The following NOL10 variants were observed in gnomAD, a reference collection of about 807,000 sequenced individuals.
NOL10 encodes the protein H_NH0074G24.1.
In NOL10, 58 loss-of-function variants were observed where a neutral mutation model predicts 103.5. That is an observed-to-expected ratio of 0.56 (90% CI 0.45 to 0.70). NOL10 has a LOEUF of 0.70. Among genes scored for constraint, NOL10 ranks in the 30% least tolerant of loss-of-function variants. The probability of loss-of-function intolerance (pLI) is 0.00; values close to 1 mark genes in which losing one functional copy is unlikely to be tolerated. For missense variants in NOL10, 763 were observed against 807.3 expected, an observed-to-expected ratio of 0.95 and a Z score of 0.67; for synonymous variants, 287 against 282.5, an observed-to-expected ratio of 1.02 and a Z score of -0.16.
At chr2:10,683,361 C>T (rs997166470) in intron 2 of NOL10, among the ~76,000 whole-genome samples, 6 of 152,178 alleles carry the variant, frequency 3.9e-5, no homozygotes, top group African/African-American at 7.2e-5. Context: ...CTGCAATCAC[C>T]TTTAACTGTT....
intron 13 of NOL10, among the ~76,000 whole-genome samples, chr2:10,640,228 C>T (rs1336465314): frequency 6.6e-6 from 1 of 152,226 alleles, no homozygotes; most frequent in Non-Finnish European, 1.5e-5. Flanking sequence ...TGCCAAACGT[C>T]AACTTGGTAC....
chr2:10,645,326 C>T (rs764123162), intron 12 of NOL10, among the ~76,000 whole-genome samples: 6 of 152,068 alleles, frequency 3.9e-5, no homozygotes, highest in Non-Finnish European at 5.9e-5. Flanking sequence ...AGAGAGAAGA[C>T]ATTTAGATTA....
intron 4 of NOL10, among the ~76,000 whole-genome samples, chr2:10,674,243 C>A (rs1031655000): frequency 6.6e-6 from 1 of 150,824 alleles, no homozygotes; most frequent in African/African-American, 2.4e-5. Flanking sequence ...AAAAAAAAAA[C>A]AACAAAGGGT....
chr2:10,634,297 G>C (rs1264092142), intron 13 of NOL10, among the ~76,000 whole-genome samples: 2 of 152,168 alleles, frequency 1.3e-5, no homozygotes, highest in Admixed American at 1.3e-4. Context: ...AACAAAATCT[G>C]CAAACAGCTG....
chr2:10,575,110 C>A (rs1389802743), intron 20 of NOL10, among the ~76,000 whole-genome samples: 1 of 152,232 alleles, frequency 6.6e-6, no homozygotes, highest in Non-Finnish European at 1.5e-5. Context: ...ACTCCTGTCA[C>A]AGAGGGAGGA....
chr2:10,626,604 G>C (rs375431690), intron 13 of NOL10, among the ~76,000 whole-genome samples: 7 of 152,030 alleles, frequency 4.6e-5, no homozygotes, highest in Admixed American at 3.9e-4. Context: ...TACACAACCA[G>C]GACACTGAAA....
intron 17 of NOL10, 78 bp from the exon 18 acceptor site, chr2:10,589,829 C>T: frequency 1.2e-6 from 1 of 849,488 alleles, no homozygotes; most frequent in East Asian, 2.9e-5. Flanking sequence ...TTTTAAAACA[C>T]TGATTCTATT....
At chr2:10,587,513 C>T (rs1482291405) in intron 19 of NOL10, among the ~76,000 whole-genome samples, 2 of 64,746 alleles carry the variant, frequency 3.1e-5, no homozygotes, top group African/African-American at 9.8e-5. Flanking sequence ...TCATGATCTG[C>T]CCCCCCCTTG....
intron 20 of NOL10, among the ~76,000 whole-genome samples, chr2:10,574,205 C>T (rs1399709756): frequency 6.6e-6 from 1 of 152,228 alleles, no homozygotes; most frequent in Non-Finnish European, 1.5e-5. Flanking sequence ...GGCATCAATA[C>T]ACATGCGTTA....
chr2:10,659,272 C>T (rs1680029918), intron 9 of NOL10, 22 bp from the exon 10 acceptor site: 1 of 1,440,558 alleles, frequency 6.9e-7, no homozygotes, highest in South Asian at 1.2e-5. Context: ...AATATTCATG[C>T]TTCATGAATA....
intron 17 of NOL10, 107 bp downstream of exon 17, chr2:10,600,746 A>C: frequency 1.3e-6 from 1 of 742,138 alleles, no homozygotes; most frequent in East Asian, 2.8e-5. Flanking sequence ...ATACGCAGGA[A>C]AGAAAAAGTC....
intron 13 of NOL10, among the ~76,000 whole-genome samples, 194 bp from the exon 14 acceptor site, chr2:10,607,505 G>C (rs1035086052): frequency 4.6e-5 from 7 of 152,062 alleles, no homozygotes. Flanking sequence ...AAATGTTTAG[G>C]CTTGTAAGAG....
intron 9 of NOL10, 80 bp downstream of exon 9, chr2:10,662,879 A>G: frequency 9.5e-7 from 1 of 1,051,490 alleles, no homozygotes; most frequent in Non-Finnish European, 1.4e-6. Flanking sequence ...TCCTGTAGCA[A>G]TTTATTTGAA....
At chr2:10,678,217 T>TTTTTTTTA (rs1417477951) in intron 3 of NOL10, among the ~76,000 whole-genome samples, 15 of 70,822 alleles carry the variant, frequency 2.1e-4, no homozygotes, top group African/African-American at 3.3e-4. Context: ...TTCAGCTAAT[T>TTTTTTTTA]TTTTTTTTAT....
At position 10,654,469 on chromosome 2, in the gene NOL10, C is replaced by T. The variant is rs762212638; in HGVS notation, c.973+12G>A. On this transcript the variant is annotated intron_variant, in intron 12 of 20. Coordinates refer to ENST00000381685, the MANE Select transcript of NOL10 (RefSeq NM_024894.4). ...TATTTGTCTCACTGAACGTTCACTA[C>T]AGAATGCATACCTGAGTTGGGGTAG... The T allele has an allele frequency of 6.4e-7, 1 of 1,560,848 alleles. No individual in the cohort carries two copies. Among genetic ancestry groups the T allele is most frequent in the Admixed American group, 1.9e-5 (1 of 53,704 alleles).
chr2:10,596,253 TGG>T lies in NOL10; in HGVS notation c.1422+4598_1422+4599del, dbSNP rs1427640732. The stretch of plus-strand genomic sequence containing the variant: ...CGGAAGACAAGTTTTCCACAGATGG[TGG>T]TGGGGGGCGGGGGGCGGGCGCGAGG... On this transcript the variant is annotated intron_variant, in intron 17 of 20. Transcript: ENST00000381685. Among the ~76,000 whole-genome samples, 15 of 17,812 alleles carry T rather than the reference TGG, an allele frequency of 8.4e-4. 3 individuals carry two copies. Among genetic ancestry groups the T allele is most frequent in the African/African-American group, 5.8e-3 (12 of 2,058 alleles). The allele number at this position is 17,812 out of a possible 152,430, so 11.7% of individuals were successfully genotyped here.
At chr2:10,655,999 T>C (rs964639628) in intron 11 of NOL10, among the ~76,000 whole-genome samples, 5 of 152,088 alleles carry the variant, frequency 3.3e-5, no homozygotes, top group Non-Finnish European at 7.4e-5. Flanking sequence ...GGAATTATAA[T>C]GGCACGGAAC....
chr2:10,648,493 A>T (rs139302542), intron 12 of NOL10, among the ~76,000 whole-genome samples: 80 of 152,226 alleles, frequency 5.3e-4, no homozygotes, highest in African/African-American at 1.9e-3. Flanking sequence ...CTCTTGATTA[A>T]CCTCTTACGA....
chr2:10,679,081 C>G (rs528318852), intron 3 of NOL10, among the ~76,000 whole-genome samples: 61 of 151,846 alleles, frequency 4.0e-4, no homozygotes, highest in African/African-American at 1.4e-3. Flanking sequence ...TTTTTTTGGC[C>G]GGGTGCGGTG....
Sources: allele counts gnomAD v4.1 joint callset (sites outside exome capture counted in the v4.1 genomes callset), GRCh38; gene constraint gnomAD v4.1.1; transcripts MANE v1.5; gene names NCBI Gene and HGNC (gene_info 2026-07-23, HGNC 2026-07-21).